The following SIGLEC7 variants were observed in gnomAD, a reference collection of about 807,000 sequenced individuals.
SIGLEC7 encodes sialic acid binding Ig like lectin 7.
A neutral mutation model predicts 40.8 loss-of-function variants in SIGLEC7; 33 were observed. That is an observed-to-expected ratio of 0.81 (90% confidence interval 0.61 to 1.08). The LOEUF (loss-of-function observed/expected upper bound fraction) is 1.08. Among genes scored for constraint, SIGLEC7 ranks in the 50% least tolerant of loss-of-function variants. The pLI is 0.00. For synonymous variants in SIGLEC7, 242 were observed against 237.6 expected (o/e 1.02, Z -0.17); for missense variants, 513 against 576.1 (o/e 0.89, Z 1.12).
intron 1 of SIGLEC7, among the ~76,000 whole-genome samples, chr19:51,143,638 T>G (rs115773037): frequency 0.031 from 4,674 of 152,024 alleles, 267 homozygotes; most frequent in African/African-American, 0.11. Context: ...TGGGTTGAGG[T>G]CTCCAGCTCC....
Position 51,147,235 on chromosome 19 carries a change from G to T in SIGLEC7, c.1139G>T (p.Arg380Met), listed in dbSNP as rs748174140. The change falls in exon 6 of 7, where the codon AGG (arginine) becomes ATG (methionine). Residue 380 changes from arginine (R) to methionine (M), a missense_variant. Arg to Met is a moderately conservative substitution (Grantham distance 91). Coordinates refer to ENST00000317643, the MANE Select transcript of SIGLEC7 (RefSeq NM_014385.4). The stretch of plus-strand genomic sequence containing the variant: ...TCTTCACTCAGAGTGAGGTCCTGCA[G>T]GAAGAAATCGGCAAGGCCAGCAGCG... ...CVIFIVVRSC[R>M]KKSARPAADV... 6.2e-7 allele frequency: 1 copy of T among 1,612,416 alleles called. No homozygotes were observed. Among genetic ancestry groups the T allele is most frequent in the African/African-American group, 1.3e-5 (1 of 74,858 alleles).
chr19:51,151,241 A>T (rs1030480673), intron 6 of SIGLEC7, among the ~76,000 whole-genome samples: 1 of 152,234 alleles, frequency 6.6e-6, no homozygotes, highest in Non-Finnish European at 1.5e-5. Flanking sequence ...TGTGAGCCAC[A>T]GAAAGGGAGC....
chr19:51,146,794 C>T lies in SIGLEC7; in HGVS notation c.1068C>T (p.Val356=), dbSNP rs377201615. 2.1e-5 allele frequency: 34 copies of T among 1,613,544 alleles called. No homozygotes were observed. The African/African-American group carries it at 2.9e-4, about 14-fold the overall frequency. ...RPVSGVLLGA[V]GGAGATALVF... is the part of the protein sequence containing the mutation. ...TATCAGGAGTGTTGCTGGGGGCGGT[C>T]GGGGGAGCTGGAGCCACAGCCCTGG... Residue 356 remains valine (V), a synonymous_variant, in exon 5 of 7, where the codon GTC becomes GTT. Coordinates refer to ENST00000317643, the MANE Select transcript of SIGLEC7 (RefSeq NM_014385.4).
rs118046086 is a variant in SIGLEC7, at chr19:51,147,296, C to T, written c.1200C>T (p.Thr400=). 4.0e-5 allele frequency: 65 copies of T among 1,611,244 alleles called. No individual in the cohort carries two copies. The highest frequency in any genetic ancestry group is 3.3e-4 in the Middle Eastern group (2 of 6,044). The change falls in exon 6 of 7, where the codon ACC becomes ACT. Residue 400 remains threonine, a synonymous_variant. Coordinates refer to ENST00000317643, the MANE Select transcript of SIGLEC7 (RefSeq NM_014385.4). ...VGDIGMKDAN[T]IRGSASQGNL... Reference sequence around the variant, plus strand: ...ACATAGGCATGAAGGATGCAAACACCATCAGGGGCTCAGCCTCTCAGGTGA... The same window carrying T: ...ACATAGGCATGAAGGATGCAAACACTATCAGGGGCTCAGCCTCTCAGGTGA...
intron 1 of SIGLEC7, among the ~76,000 whole-genome samples, chr19:51,143,511 CG>C (rs1000841379): frequency 9.2e-5 from 14 of 152,122 alleles, no homozygotes; most frequent in Admixed American, 1.3e-4. Context: ...AGGTGGGACA[CG>C]GTCTCTTCTC....
Position 51,145,782 on chromosome 19 carries a change from C to T in SIGLEC7, c.761-73C>T. 6.5e-7 allele frequency: 1 copy of T among 1,541,092 alleles called. No individual in the cohort carries two copies. Among genetic ancestry groups the T allele is most frequent in the South Asian group, 1.1e-5 (1 of 87,176 alleles). On this transcript the variant is annotated intron_variant, in intron 3 of 6. Transcript: ENST00000317643. The surrounding 1 kb of genome is among the most constrained non-coding windows in gnomAD (Gnocchi z 4.3). ...CTACATCACTCTCTGTTCCATTCCC[C>T]AGTCTCATTCTGTATCCTTCCTCCC...
At chr19:51,150,558 T>C (rs1013556172) in intron 6 of SIGLEC7, among the ~76,000 whole-genome samples, 4 of 152,198 alleles carry the variant, frequency 2.6e-5, no homozygotes, top group Non-Finnish European at 4.4e-5. Flanking sequence ...GATTTTTGCA[T>C]CAATGTTCAT....
At chr19:51,146,969 C>T (rs2092112496) in intron 5 of SIGLEC7, 119 bp downstream of exon 5, 1 of 1,099,454 alleles carries the variant, frequency 9.1e-7, no homozygotes, top group African/African-American at 1.6e-5. Context: ...CAAGAATGAG[C>T]TCACGGGTGC....
chr19:51,142,724 G>A lies in SIGLEC7; in HGVS notation c.355G>A (p.Gly119Arg), dbSNP rs2092077360. ...SIRDARMSDA[G>R]RYFFRMEKGN... ...CAGAGATGCCAGAATGAGTGATGCG[G>A]GGAGATACTTCTTTCGTATGGAGAA... The change falls in exon 1 of 7, where the codon GGG becomes AGG. Residue 119 changes from glycine (G) to arginine (R), a missense_variant. Physicochemically the swap from Gly to Arg is moderately radical, Grantham distance 125. Transcript: ENST00000317643. This position sits in a 1 kb window ranked among gnomAD's most constrained non-coding sequence, Gnocchi z 5.0. The A allele has an allele frequency of 6.2e-7, 1 of 1,614,092 alleles. No homozygotes were observed. Among genetic ancestry groups the A allele is most frequent in the African/African-American group, 1.3e-5 (1 of 75,030 alleles).
chr19:51,147,100 C>A, intron 5 of SIGLEC7, 121 bp from the exon 6 acceptor site: 2 of 1,461,480 alleles, frequency 1.4e-6, no homozygotes, highest in Non-Finnish European at 1.9e-6. Context: ...GGGACTGGAC[C>A]ACCCTCCTCC....
intron 6 of SIGLEC7, 24 bp from the exon 7 acceptor site, chr19:51,153,039 A>T (rs752839685): frequency 2.0e-6 from 3 of 1,505,480 alleles, no homozygotes; most frequent in Non-Finnish European, 2.7e-6. Flanking sequence ...CTCTGCTCTG[A>T]CTCTCTTCTC....
At chr19:51,152,193 G>T (rs998244655) in intron 6 of SIGLEC7, among the ~76,000 whole-genome samples, 1 of 152,114 alleles carries the variant, frequency 6.6e-6, no homozygotes, top group African/African-American at 2.4e-5. Flanking sequence ...CTTGGCTCAA[G>T]TCCCTTCCTC....
At chr19:51,148,418 G>A (rs542916199) in intron 6 of SIGLEC7, among the ~76,000 whole-genome samples, 4 of 152,040 alleles carry the variant, frequency 2.6e-5, no homozygotes, top group Non-Finnish European at 5.9e-5. Flanking sequence ...AGCTCTCACT[G>A]ATAAGTGAGA....
At chr19:51,146,368 C>T (rs1875422) in intron 4 of SIGLEC7, among the ~76,000 whole-genome samples, 3,631 of 152,134 alleles carry the variant, frequency 0.024, 156 homozygotes, top group African/African-American at 0.083. Context: ...TGGGGAGACA[C>T]GTGCCTTGCT....
chr19:51,145,053 T>A lies in SIGLEC7; in HGVS notation c.760+94T>A. The A allele has an allele frequency of 8.0e-7, 1 of 1,243,974 alleles. No individual in the cohort carries two copies. The highest frequency in any genetic ancestry group is 1.2e-6 in the Non-Finnish European group (1 of 846,852). 77.1% of individuals were successfully genotyped at this position (1,243,974 alleles called of 1,614,324 possible). On this transcript the variant is annotated intron_variant, in intron 3 of 6. Coordinates refer to ENST00000317643, the MANE Select transcript of SIGLEC7 (RefSeq NM_014385.4). This position sits in a 1 kb window ranked among gnomAD's most constrained non-coding sequence, Gnocchi z 4.3. ...CCTCATCCTGGACTCACCCTGGTGA[T>A]ATGAGACTCCCTTGTAGTTGAACCC...
chr19:51,153,278 T>A lies in SIGLEC7; in HGVS notation c.*33T>A, dbSNP rs1440228705. 1.4e-6 allele frequency: 2 copies of A among 1,471,376 alleles called. No individual in the cohort carries two copies. Among genetic ancestry groups the A allele is most frequent in the Admixed American group, 4.5e-5 (2 of 44,812 alleles). 91.1% of individuals were successfully genotyped at this position (1,471,376 alleles called of 1,614,324 possible). A position where few individuals can be genotyped will look rare whatever the true frequency, so the allele number is the denominator to read the frequency against. ...CAGAGGCTCGGGCTTGTTTGAGGGT[T>A]CACGACCCCTCCAGCAAAGGAGTCT... is the stretch of plus-strand genomic sequence containing the variant. On this transcript the variant is annotated 3_prime_UTR_variant, in exon 7 of 7. Coordinates refer to ENST00000317643, the MANE Select transcript of SIGLEC7 (RefSeq NM_014385.4).
At chr19:51,150,967 C>T (rs1172931154) in intron 6 of SIGLEC7, among the ~76,000 whole-genome samples, 2 of 152,120 alleles carry the variant, frequency 1.3e-5, no homozygotes, top group African/African-American at 4.8e-5. Context: ...AGATTGGGTC[C>T]GTTCAGGGTG....
rs761682287 is a variant in SIGLEC7 at position 51,142,832 on chromosome 19, G to C, written c.433+30G>C. The C allele has an allele frequency of 1.9e-6, 3 of 1,559,360 alleles. No homozygotes were observed. Among genetic ancestry groups the C allele is most frequent in the Non-Finnish European group, 2.6e-6 (3 of 1,151,748 alleles). On this transcript the variant is annotated intron_variant, in intron 1 of 6. Coordinates refer to ENST00000317643, the MANE Select transcript of SIGLEC7 (RefSeq NM_014385.4). The surrounding 1 kb of genome is among the most constrained non-coding windows in gnomAD (Gnocchi z 5.0). ...GGCACGGGCTCCAAGAGAGGCCAAA[G>C]GCAAATGTGATGAGGGCTTTAGGGC...
In SIGLEC7 at chr19:51,145,746, C is replaced by T; in HGVS notation, c.761-109C>T. ...AGTGAGCGGTGAACATAAGTATGTC[C>T]CTGCACCAGCCTACATCACTCTCTG... On this transcript the variant is annotated intron_variant, in intron 3 of 6. Transcript: ENST00000317643. This position sits in a 1 kb window ranked among gnomAD's most constrained non-coding sequence, Gnocchi z 4.3. The T allele has an allele frequency of 7.8e-7, 1 of 1,288,252 alleles. No homozygotes were observed. Among genetic ancestry groups the T allele is most frequent in the Non-Finnish European group, 1.1e-6 (1 of 919,012 alleles). 79.8% of individuals were successfully genotyped at this position (1,288,252 alleles called of 1,614,324 possible). A position where few individuals can be genotyped will look rare whatever the true frequency, so the allele number is the denominator to read the frequency against.
Sources: gnomAD v4.1 joint callset for allele counts (sites outside exome capture counted in the v4.1 genomes callset) on GRCh38, gnomAD v4.1.1 for gene constraint, Gnocchi (gnomAD v3.1) non-coding constraint, MANE v1.5 for transcripts, NCBI Gene and HGNC (gene_info 2026-07-23, HGNC 2026-07-21) for gene names.